Variants in SIL1 observed in about 807,000 individuals in gnomAD.
SIL1 encodes the protein nucleotide exchange factor SIL1.
A neutral mutation model predicts 49.1 loss-of-function variants in SIL1; 40 were observed. The observed-to-expected ratio is 0.81, with a 90% CI of 0.63 to 1.06. The LOEUF (loss-of-function observed/expected upper bound fraction) is 1.06. Ranked by LOEUF, SIL1 falls within the 50% of genes least tolerant of loss-of-function variation. SIL1 has a pLI of 0.00. For missense variants in SIL1, 500 were observed against 572.6 expected (o/e 0.87, Z 1.29); for synonymous variants, 253 against 250.8 (o/e 1.01, Z -0.08).
intron 3 of SIL1, among the ~76,000 whole-genome samples, chr5:139,118,920 C>T (rs191887476): frequency 1.3e-5 from 2 of 152,308 alleles, no homozygotes; most frequent in African/African-American, 4.8e-5. Flanking sequence ...CTCCCCTCAC[C>T]AGTCCTGCTT....
intron 7 of SIL1, among the ~76,000 whole-genome samples, chr5:138,974,913 A>G (rs1177284632): frequency 6.6e-6 from 1 of 152,182 alleles, no homozygotes; most frequent in Non-Finnish European, 1.5e-5. Context: ...TGTCTTCTTC[A>G]TCTCTGAGCT....
chr5:138,983,509 A>G (rs915894860), intron 7 of SIL1, among the ~76,000 whole-genome samples: 4 of 141,258 alleles, frequency 2.8e-5, no homozygotes, highest in Non-Finnish European at 6.1e-5. Context: ...TTTTGTCTCG[A>G]AAAAAAAAAA....
Position 138,947,283 on chromosome 5 carries a change from G to A in SIL1, c.1220C>T (p.Thr407Ile). The A allele has an allele frequency of 3.7e-6, 6 of 1,613,520 alleles. No homozygotes were observed. Among genetic ancestry groups the A allele is most frequent in the Non-Finnish European group, 5.1e-6 (6 of 1,180,036 alleles). ...VLQTLGVLLT[T>I]CRDRYRQDPQ... is the part of the protein sequence containing the mutation. ...GTCCTGACGGTAGCGGTCCCGGCAG[G>A]TGGTCAGGAGGACGCCCAGTGTCTG... Residue 407 changes from threonine (T) to isoleucine (I), a missense_variant, in exon 10 of 10, where the codon ACC (threonine) becomes ATC (isoleucine). Physicochemically the swap from Thr to Ile is moderately conservative, Grantham distance 89. Transcript: ENST00000394817. This position sits in a 1 kb window ranked among gnomAD's most constrained non-coding sequence, Gnocchi z 4.1.
chr5:139,014,443 T>C (rs1561829119), intron 7 of SIL1, among the ~76,000 whole-genome samples: 1 of 151,532 alleles, frequency 6.6e-6, no homozygotes, highest in Non-Finnish European at 1.5e-5. Flanking sequence ...ACAAAGAACT[T>C]TGTGTGCTGA....
chr5:139,183,600 T>TG (rs1337576139), intron 1 of SIL1, among the ~76,000 whole-genome samples: 4 of 152,238 alleles, frequency 2.6e-5, no homozygotes, highest in Non-Finnish European at 5.9e-5. Flanking sequence ...CAAGGTTGTC[T>TG]GTTTATTGCA....
At chr5:139,082,366 T>C (rs534466859) in intron 3 of SIL1, among the ~76,000 whole-genome samples, 4 of 152,302 alleles carry the variant, frequency 2.6e-5, no homozygotes, top group Non-Finnish European at 5.9e-5. Flanking sequence ...ATGCTGAGTC[T>C]GACAGCACCT....
At chr5:139,031,260 C>T (rs543712107) in intron 5 of SIL1, among the ~76,000 whole-genome samples, 21 of 151,590 alleles carry the variant, frequency 1.4e-4, no homozygotes, top group African/African-American at 4.8e-4. Context: ...TTTTTAGTTT[C>T]ACATTTTACA....
At chr5:139,191,586 CT>C (rs1158172070) in intron 1 of SIL1, among the ~76,000 whole-genome samples, 2 of 151,438 alleles carry the variant, frequency 1.3e-5, no homozygotes, top group Non-Finnish European at 2.9e-5. Context: ...TAAGATCAGC[CT>C]GGGCAATGTT....
rs1304086464 is a variant in SIL1, at chr5:139,120,287, G to A, written c.244+748C>T. Among the ~76,000 whole-genome samples the A allele has an allele frequency of 5.9e-5, 9 of 152,326 alleles. No homozygotes were observed. In the East Asian group the frequency reaches 1.7e-3, roughly 29 times the overall value. The stretch of plus-strand genomic sequence containing the variant: ...GACAGCTAGGACTGGGAAGAAGTGG[G>A]AAGAGAGTAGGCCCAGGCTCTGGGG... On this transcript the variant is annotated intron_variant, in intron 3 of 9. Transcript: ENST00000394817.
intron 7 of SIL1, among the ~76,000 whole-genome samples, chr5:138,992,480 C>T (rs1177113433): frequency 6.6e-6 from 1 of 152,110 alleles, no homozygotes; most frequent in Non-Finnish European, 1.5e-5. Context: ...TATGTAAAGC[C>T]CCTGCCCCTA....
At chr5:138,973,201 T>TAA (rs5871690) in intron 7 of SIL1, among the ~76,000 whole-genome samples, 4,366 of 105,190 alleles carry the variant, frequency 0.042, 114 homozygotes, top group Non-Finnish European at 0.053. Flanking sequence ...TTGAAGTATT[T>TAA]AAAAAAAAAA....
chr5:139,164,497 G>A (rs536566288), intron 1 of SIL1, among the ~76,000 whole-genome samples: 37 of 152,204 alleles, frequency 2.4e-4, no homozygotes, highest in Non-Finnish European at 3.5e-4. Context: ...TCCCCATGTC[G>A]TTAGTCAGCC....
intron 1 of SIL1, among the ~76,000 whole-genome samples, chr5:139,156,118 T>C (rs1751403420): frequency 6.6e-6 from 1 of 152,156 alleles, no homozygotes. Flanking sequence ...GACTAAATAA[T>C]AGTAATATAA....
intron 3 of SIL1, among the ~76,000 whole-genome samples, chr5:139,074,853 T>A (rs1408018585): frequency 6.6e-6 from 1 of 152,120 alleles, no homozygotes; most frequent in Non-Finnish European, 1.5e-5. Flanking sequence ...TGAGGCACAG[T>A]CTTGCTCTGT....
chr5:139,197,183 G>A (rs1304677930), intron 1 of SIL1, among the ~76,000 whole-genome samples: 1 of 147,752 alleles, frequency 6.8e-6, no homozygotes, highest in African/African-American at 2.5e-5. Flanking sequence ...CAGGAGAATC[G>A]CTTGAACCTG....
At chr5:139,122,243 CA>C (rs1750656151) in intron 2 of SIL1, among the ~76,000 whole-genome samples, 1 of 152,138 alleles carries the variant, frequency 6.6e-6, no homozygotes, top group Admixed American at 6.5e-5. Context: ...CAATTCTAAC[CA>C]CAACTGGGAG....
intron 1 of SIL1, among the ~76,000 whole-genome samples, chr5:139,151,340 G>A (rs1751296065): frequency 6.6e-6 from 1 of 152,180 alleles, no homozygotes; most frequent in African/African-American, 2.4e-5. Flanking sequence ...AGTGCAAGGT[G>A]CTGGGAACAC....
At chr5:139,151,431 T>C (rs1340432322) in intron 1 of SIL1, among the ~76,000 whole-genome samples, 1 of 152,226 alleles carries the variant, frequency 6.6e-6, no homozygotes, top group African/African-American at 2.4e-5. Flanking sequence ...TCTTTCCAAA[T>C]GCTACTTTAA....
chr5:139,062,416 C>T (rs57868355), intron 3 of SIL1, among the ~76,000 whole-genome samples: 22,708 of 152,074 alleles, frequency 0.15, 4,534 homozygotes, highest in African/African-American at 0.46. Context: ...AGAAGAGTTA[C>T]CCAGCATGGC....
Sources: allele counts gnomAD v4.1 joint callset (sites outside exome capture counted in the v4.1 genomes callset), GRCh38; gene constraint gnomAD v4.1.1; non-coding constraint Gnocchi (gnomAD v3.1); transcripts MANE v1.5; gene names NCBI Gene and HGNC (gene_info 2026-07-23, HGNC 2026-07-21).